Variants in RIMS2 observed in about 807,000 individuals in gnomAD.
The protein encoded by RIMS2 is regulating synaptic membrane exocytosis 2, also known as regulating synaptic membrane exocytosis protein 2.
RIMS2 carries 59 observed loss-of-function variants against 174.4 expected under a neutral mutation model. The ratio of observed to expected loss-of-function variants is 0.34; its 90% CI spans 0.27 to 0.42. The LOEUF (loss-of-function observed/expected upper bound fraction) is 0.42, where lower values mean the gene tolerates loss of function less well. Ranked by LOEUF, RIMS2 falls within the 10% of genes least tolerant of loss-of-function variation. The pLI is 1.00. For missense variants in RIMS2, 1,620 were observed against 1,666.3 expected (o/e 0.97, Z 0.48); for synonymous variants, 606 against 572.5 (o/e 1.06, Z -0.84).
chr8:103,834,676 T>TTTTC (rs71297240), intron 3 of RIMS2, among the ~76,000 whole-genome samples: 10,678 of 119,508 alleles, frequency 0.089, 761 homozygotes, highest in Middle Eastern at 0.12. Context: ...TCTGAGGTCT[T>TTTTC]TTTCTTTCTT....
chr8:103,611,291 T>G (rs1017554893), intron 1 of RIMS2, among the ~76,000 whole-genome samples: 2 of 152,184 alleles, frequency 1.3e-5, no homozygotes, highest in Admixed American at 6.5e-5. Context: ...AGATTATTGT[T>G]ATGATTATTA....
intron 3 of RIMS2, among the ~76,000 whole-genome samples, chr8:103,856,889 C>T (rs1180363439): frequency 5.9e-5 from 9 of 152,030 alleles, no homozygotes; most frequent in Non-Finnish European, 5.9e-5. Flanking sequence ...TCATTGCAAC[C>T]TCCGCCTCTC....
chr8:103,825,446 ATTTT>A (rs35460743), intron 3 of RIMS2, among the ~76,000 whole-genome samples: 16 of 131,826 alleles, frequency 1.2e-4, no homozygotes, highest in African/African-American at 4.3e-4. Context: ...TGGCTAGCTA[ATTTT>A]TTTTTTTTTT....
intron 1 of RIMS2, among the ~76,000 whole-genome samples, chr8:103,561,801 C>G (rs1299513555): frequency 6.6e-6 from 1 of 152,136 alleles, no homozygotes; most frequent in Admixed American, 6.6e-5. Flanking sequence ...GTGATAAAGA[C>G]ATACCTGAGA....
intron 3 of RIMS2, among the ~76,000 whole-genome samples, chr8:103,882,666 T>C (rs540440336): frequency 6.6e-6 from 1 of 151,714 alleles, no homozygotes; most frequent in Non-Finnish European, 1.5e-5. Context: ...TGATAATCTC[T>C]AGAACAATGT....
In RIMS2 at chr8:103,696,996, G is replaced by C. The variant is rs567178697; in HGVS notation, c.177-90G>C. ...TTTTATTCTCATCTTGTATTTTTTT[G>C]GTTATAAAACTGTGTCTATAAATTG... On this transcript the variant is annotated intron_variant, in intron 1 of 23. Transcript: ENST00000504942. 1.1e-4 allele frequency: 75 copies of C among 698,722 alleles called. 1 individual carries two copies. In the South Asian group the frequency reaches 1.3e-3, roughly 12 times the overall value. The allele number at this position is 698,722 out of a possible 1,614,324, so 43.3% of individuals were successfully genotyped here. A position where few individuals can be genotyped will look rare whatever the true frequency, so the allele number is the denominator to read the frequency against.
intron 1 of RIMS2, among the ~76,000 whole-genome samples, chr8:103,598,315 G>A (rs561268154): frequency 5.4e-4 from 82 of 152,222 alleles, no homozygotes; most frequent in African/African-American, 1.9e-3. Context: ...TGATCATACG[G>A]ACATTTGAAG....
chr8:104,050,678 T>C (rs1456050663), intron 19 of RIMS2, among the ~76,000 whole-genome samples: 1 of 152,168 alleles, frequency 6.6e-6, no homozygotes, highest in African/African-American at 2.4e-5. Context: ...TTTCAAACTT[T>C]AAGTTTTACA....
intron 17 of RIMS2, among the ~76,000 whole-genome samples, chr8:104,010,576 A>G (rs1009085270): frequency 1.3e-5 from 2 of 152,180 alleles, no homozygotes; most frequent in African/African-American, 2.4e-5. Context: ...TTGTGAACGC[A>G]TGCAGTTTAG....
intron 2 of RIMS2, among the ~76,000 whole-genome samples, chr8:103,741,425 A>G (rs2097760676): frequency 6.6e-6 from 1 of 152,136 alleles, no homozygotes; most frequent in Non-Finnish European, 1.5e-5. Flanking sequence ...ATAGTAATCT[A>G]TCATCACAAA....
chr8:103,845,785 T>G (rs889505811), intron 3 of RIMS2, among the ~76,000 whole-genome samples: 1 of 152,138 alleles, frequency 6.6e-6, no homozygotes, highest in Non-Finnish European at 1.5e-5. Flanking sequence ...TTATGGTAGT[T>G]CATACTTGAG....
At chr8:104,128,858 G>C (rs2098452190) in intron 19 of RIMS2, among the ~76,000 whole-genome samples, 1 of 152,020 alleles carries the variant, frequency 6.6e-6, no homozygotes, top group Non-Finnish European at 1.5e-5. Context: ...AAATAGAGTG[G>C]CTAAATATAT....
At chr8:104,005,924 T>C (rs1808330434) in intron 17 of RIMS2, among the ~76,000 whole-genome samples, 1 of 151,986 alleles carries the variant, frequency 6.6e-6, no homozygotes, top group Admixed American at 6.5e-5. Flanking sequence ...ACATAGACTA[T>C]GTTCTATGTT....
intron 10 of RIMS2, chr8:103,922,551 T>C (rs1231909071): frequency 3.2e-6 from 1 of 314,214 alleles, no homozygotes; most frequent in Non-Finnish European, 6.4e-6. Flanking sequence ...TTACCAGTAT[T>C]GTTGTTGATT....
intron 3 of RIMS2, among the ~76,000 whole-genome samples, chr8:103,780,489 C>A (rs1005880076): frequency 2.6e-5 from 4 of 152,072 alleles, no homozygotes. Flanking sequence ...TTCAAGCTCT[C>A]CGATTCTTTC....
At chr8:103,947,444 A>G (rs1443615398) in intron 14 of RIMS2, among the ~76,000 whole-genome samples, 2 of 152,188 alleles carry the variant, frequency 1.3e-5, no homozygotes, top group Non-Finnish European at 2.9e-5. Flanking sequence ...GGTGTAGCCT[A>G]CTATACACCT....
At chr8:103,865,196 A>G (rs578146879) in intron 3 of RIMS2, among the ~76,000 whole-genome samples, 1 of 151,650 alleles carries the variant, frequency 6.6e-6, no homozygotes, top group Admixed American at 6.6e-5. Context: ...AGTCTCATGA[A>G]TTATTATAAC....
intron 1 of RIMS2, among the ~76,000 whole-genome samples, chr8:103,688,206 G>A (rs916111024): frequency 1.5e-4 from 23 of 151,948 alleles, no homozygotes; most frequent in African/African-American, 4.3e-4. Flanking sequence ...ACTTTTCACC[G>A]TTGAGTATGA....
intron 3 of RIMS2, among the ~76,000 whole-genome samples, chr8:103,772,049 C>T (rs2098259386): frequency 6.6e-6 from 1 of 151,798 alleles, no homozygotes; most frequent in African/African-American, 2.4e-5. Context: ...TTATCTAGTA[C>T]TTATGACTTT....
Sources: allele counts gnomAD v4.1 joint callset (sites outside exome capture counted in the v4.1 genomes callset), GRCh38; gene constraint gnomAD v4.1.1; transcripts MANE v1.5; gene names NCBI Gene and HGNC (gene_info 2026-07-23, HGNC 2026-07-21).